The following CFAP47 variants were observed in gnomAD, a reference collection of about 807,000 sequenced individuals.
CFAP47 encodes the protein cilia- and flagella-associated protein 47.
In CFAP47, 29 loss-of-function variants were observed where a neutral mutation model predicts 148.1. The observed-to-expected ratio is 0.20, with a 90% CI of 0.15 to 0.27. The LOEUF (loss-of-function observed/expected upper bound fraction) is 0.27, where lower values mean the gene tolerates loss of function less well. CFAP47 is among the 10% of genes least tolerant of loss of function. CFAP47 has a pLI of 1.00. For synonymous variants in CFAP47, 664 were observed against 577.3 expected, an observed-to-expected ratio of 1.15 and a Z score of -2.15; for missense variants, 1,872 against 1,697.5, an observed-to-expected ratio of 1.10 and a Z score of -1.81.
intron 29 of CFAP47, among the ~76,000 whole-genome samples, chrX:36,078,604 A>G (rs886378205): frequency 1.8e-5 from 2 of 110,909 alleles, no homozygotes; most frequent in Non-Finnish European, 3.8e-5. Context: ...GGGTCTCTGC[A>G]CATGAGATGG....
intron 39 of CFAP47, among the ~76,000 whole-genome samples, chrX:36,168,569 G>A (rs1052832144): frequency 1.2e-4 from 13 of 110,104 alleles, no homozygotes; most frequent in East Asian, 8.5e-4. Context: ...CTTATTTTAC[G>A]CTTATTTTTT....
Position 36,059,015 on chromosome X carries a change from A to T in CFAP47, c.4218-6628A>T, listed in dbSNP as rs546820687. Among the ~76,000 whole-genome samples the T allele has an allele frequency of 2.7e-5, 3 of 112,239 alleles. No individual in the cohort carries two copies. The South Asian group carries it at 1.1e-3, about 41-fold the overall frequency. The stretch of plus-strand genomic sequence containing the variant: ...GATAGGAATTCAGACCATTGGCCAG[A>T]CAGTTGGGAAAATAATTTTAACAAG... On this transcript the variant is annotated intron_variant, in intron 26 of 63. Coordinates refer to ENST00000378653, the MANE Select transcript of CFAP47 (RefSeq NM_001304548.2).
Position 36,120,740 on chromosome X carries a change from AT to A in CFAP47, c.5320+16061del, listed in dbSNP as rs59745709. Among the ~76,000 whole-genome samples the A allele has an allele frequency of 2.2e-3, 223 of 102,463 alleles. 1 individual carries two copies. Among genetic ancestry groups the A allele is most frequent in the South Asian group, 9.3e-3 (22 of 2,378 alleles). The allele number at this position is 102,463 out of a possible 115,157, so 89.0% of individuals were successfully genotyped here. On this transcript the variant is annotated intron_variant, in intron 33 of 63. Coordinates refer to ENST00000378653, the MANE Select transcript of CFAP47 (RefSeq NM_001304548.2). ...TCAGGGAAGATGCTTGATATGATTC[AT>A]TTTTTTTTTTTAAAGTTTGAAGGCT...
chrX:35,962,632 A>C (rs1346584363), intron 8 of CFAP47, among the ~76,000 whole-genome samples: 1 of 110,405 alleles, frequency 9.1e-6, no homozygotes, highest in Non-Finnish European at 1.9e-5. Flanking sequence ...TCTCTTTTGG[A>C]TATTGTTTGC....
At chrX:36,115,089 C>A (rs937050164) in intron 33 of CFAP47, among the ~76,000 whole-genome samples, 2 of 111,677 alleles carry the variant, frequency 1.8e-5, no homozygotes, top group African/African-American at 6.5e-5. Flanking sequence ...TTATAGACAT[C>A]AGCTCTTCTA....
intron 60 of CFAP47, among the ~76,000 whole-genome samples, chrX:36,358,693 C>T (rs183053870): frequency 1.8e-5 from 2 of 111,852 alleles, no homozygotes; most frequent in African/African-American, 3.2e-5. Context: ...GCCTGCTTCA[C>T]GGTTTGATAA....
At chrX:36,279,843 T>C (rs1034439301) in intron 49 of CFAP47, among the ~76,000 whole-genome samples, 15 of 110,382 alleles carry the variant, frequency 1.4e-4, no homozygotes, top group African/African-American at 4.9e-4. Flanking sequence ...TAGCTGGGAT[T>C]ACAGATGTGT....
rs1317433575 is a variant in CFAP47 at position 36,336,137 on chromosome X, C to T, written c.8444-11992C>T. On this transcript the variant is annotated intron_variant, in intron 57 of 63. Transcript: ENST00000378653. ...CTTATGTTTGTTTGCTATTATAACC[C>T]ACTTGTTTCTCATCTCCACTGACCC... 5.5e-5 allele frequency among the ~76,000 whole-genome samples: 6 copies of T among 108,732 alleles called. No homozygotes were observed. The Admixed American group carries it at 6.0e-4, about 11-fold the overall frequency. The allele number at this position is 108,732 out of a possible 115,157, so 94.4% of individuals were successfully genotyped here. A position where few individuals can be genotyped will look rare whatever the true frequency, so the allele number is the denominator to read the frequency against.
intron 62 of CFAP47, among the ~76,000 whole-genome samples, chrX:36,369,221 A>G (rs782743031): frequency 9.0e-6 from 1 of 111,203 alleles, no homozygotes; most frequent in Non-Finnish European, 1.9e-5. Flanking sequence ...TCTATGATAT[A>G]CAATTATGTA....
At chrX:36,114,731 G>A (rs1287028799) in intron 33 of CFAP47, among the ~76,000 whole-genome samples, 2 of 111,406 alleles carry the variant, frequency 1.8e-5, no homozygotes, top group African/African-American at 6.5e-5. Flanking sequence ...ACTGGGTGGG[G>A]GTGGAGGATG....
At chrX:36,030,588 C>A (rs775497435) in intron 22 of CFAP47, among the ~76,000 whole-genome samples, 4 of 110,474 alleles carry the variant, frequency 3.6e-5, no homozygotes, top group Non-Finnish European at 7.6e-5. Flanking sequence ...AATAAAAACA[C>A]GTGTAAGATA....
chrX:35,961,722 T>C (rs1045969230), intron 8 of CFAP47, among the ~76,000 whole-genome samples: 3 of 111,262 alleles, frequency 2.7e-5, no homozygotes, highest in African/African-American at 9.7e-5. Context: ...TTTTTGCTTA[T>C]TAAGTCTAGT....
rs1556024919 is a variant in CFAP47, at chrX:36,384,974, A to AAAATT, written c.9532_9533insAAATT (p.Ile3178LysfsTer9). ...CATAAGAACAGGGGTGTCTTCCACC[A>AAAATT]TCAAGGGTGCTCCTTTGGTGAAGAA... On this transcript the variant is annotated frameshift_variant, in exon 64 of 64. Coordinates refer to ENST00000378653, the MANE Select transcript of CFAP47 (RefSeq NM_001304548.2). LOFTEE classifies it high-confidence loss of function. The AAAATT allele has an allele frequency of 8.6e-7, 1 of 1,163,881 alleles. No individual in the cohort carries two copies. The highest frequency in any genetic ancestry group is 1.8e-5 in the African/African-American group (1 of 55,791).
chrX:36,350,558 G>T (rs1941735585), intron 59 of CFAP47, among the ~76,000 whole-genome samples: 2 of 110,899 alleles, frequency 1.8e-5, no homozygotes, highest in Admixed American at 9.7e-5. Context: ...AAAACTTTAT[G>T]GTGTTCCCCC....
intron 30 of CFAP47, among the ~76,000 whole-genome samples, chrX:36,086,158 G>A (rs1489470877): frequency 1.8e-5 from 2 of 111,932 alleles, no homozygotes; most frequent in African/African-American, 3.2e-5. Flanking sequence ...AATAATTGTC[G>A]TAATATCTGT....
intron 33 of CFAP47, among the ~76,000 whole-genome samples, chrX:36,109,580 A>G (rs754412052): frequency 9.0e-6 from 1 of 111,168 alleles, no homozygotes; most frequent in East Asian, 2.9e-4. Flanking sequence ...GGTTCAAGCG[A>G]TTCTCCTGCC....
chrX:36,037,602 C>T (rs200698981), intron 24 of CFAP47, among the ~76,000 whole-genome samples: 1 of 110,889 alleles, frequency 9.0e-6, no homozygotes, highest in East Asian at 2.8e-4. Context: ...AGAGAGAAAA[C>T]ACTCTCAGCT....
At chrX:36,208,458 C>T (rs1243348859) in intron 45 of CFAP47, among the ~76,000 whole-genome samples, 1 of 109,799 alleles carries the variant, frequency 9.1e-6, no homozygotes, top group Non-Finnish European at 1.9e-5. Context: ...TGGGTATACA[C>T]GGGTTCACGG....
At chrX:36,210,532 A>G (rs952163793) in intron 45 of CFAP47, among the ~76,000 whole-genome samples, 5 of 112,005 alleles carry the variant, frequency 4.5e-5, no homozygotes, top group Admixed American at 9.4e-5. Flanking sequence ...CGGATTTTTT[A>G]CCCACTTTAA....
Sources: allele counts gnomAD v4.1 joint callset (sites outside exome capture counted in the v4.1 genomes callset), GRCh38; gene constraint gnomAD v4.1.1; transcripts MANE v1.5; gene names NCBI Gene and HGNC (gene_info 2026-07-23, HGNC 2026-07-21).